Variants in PREX2 observed in about 807,000 individuals in gnomAD.
The protein encoded by PREX2 is phosphatidylinositol-3,4,5-trisphosphate dependent Rac exchange factor 2, also known as phosphatidylinositol 3,4,5-trisphosphate-dependent Rac exchanger 2 protein.
In PREX2, 107 loss-of-function variants were observed where a neutral mutation model predicts 203.2. The ratio of observed to expected loss-of-function variants is 0.53; its 90% CI spans 0.45 to 0.62. The LOEUF is 0.62. Ranked by LOEUF, PREX2 falls within the 20% of genes least tolerant of loss-of-function variation. The probability of loss-of-function intolerance (pLI) is 0.00; values close to 1 mark genes in which losing one functional copy is unlikely to be tolerated. For missense variants in PREX2, 1,777 were observed against 1,955.9 expected (o/e 0.91, Z 1.72); for synonymous variants, 672 against 663.6 (o/e 1.01, Z -0.19).
intron 7 of PREX2, among the ~76,000 whole-genome samples, chr8:68,038,982 C>G (rs1163933404): frequency 6.6e-6 from 1 of 152,146 alleles, no homozygotes; most frequent in East Asian, 1.9e-4. Context: ...ATTGAAATCT[C>G]CATTTCAGGC....
At chr8:68,168,825 G>T (rs1356705856) in intron 35 of PREX2, among the ~76,000 whole-genome samples, 1 of 152,080 alleles carries the variant, frequency 6.6e-6, no homozygotes, top group Non-Finnish European at 1.5e-5. Context: ...CTTAATAACC[G>T]AGTGCCTTTT....
In PREX2 at chr8:68,060,750, C is replaced by A; in HGVS notation, c.1310C>A (p.Ala437Glu). The A allele has an allele frequency of 6.2e-7, 1 of 1,610,522 alleles. No homozygotes were observed. Among genetic ancestry groups the A allele is most frequent in the Non-Finnish European group, 8.5e-7 (1 of 1,178,130 alleles). ...RPEEGVHLGQ[A>E]LLENGIIHHV... ...GAGGAAGGCGTGCACTTGGGACAAG[C>A]ATTATTAGAAAATGGAATCATTCAC... Residue 437 changes from alanine (A) to glutamate (E), a missense_variant, in exon 11 of 40, where the codon GCA becomes GAA. By Grantham distance (107) the Ala-to-Glu change is moderately radical. Coordinates refer to ENST00000288368, the MANE Select transcript of PREX2 (RefSeq NM_024870.4).
At chr8:68,229,183 G>A (rs1344102136) in intron 39 of PREX2, among the ~76,000 whole-genome samples, 1 of 140,256 alleles carries the variant, frequency 7.1e-6, no homozygotes, top group Non-Finnish European at 1.6e-5. Context: ...GCATGAAGTT[G>A]GAAAGTTCTG....
At chr8:68,002,197 G>T (rs1366788231) in intron 1 of PREX2, among the ~76,000 whole-genome samples, 1 of 150,204 alleles carries the variant, frequency 6.7e-6, no homozygotes, top group Non-Finnish European at 1.5e-5. Flanking sequence ...ATCTAGGCTG[G>T]AATGCAGTGG....
intron 6 of PREX2, among the ~76,000 whole-genome samples, chr8:68,030,935 A>G (rs762576818): frequency 4.6e-5 from 7 of 152,172 alleles, no homozygotes; most frequent in Non-Finnish European, 7.3e-5. Context: ...ATGCATCATG[A>G]TGATCCTGTT....
chr8:68,138,445 C>A lies in PREX2; in HGVS notation c.4015C>A (p.Leu1339Met). The change falls in exon 33 of 40, where the codon CTG (leucine) becomes ATG (methionine). Residue 1339 changes from leucine to methionine, a missense_variant. Coordinates refer to ENST00000288368, the MANE Select transcript of PREX2 (RefSeq NM_024870.4). The stretch of plus-strand genomic sequence containing the variant: ...TGAACAAGCCATGTTAGAAGATACA[C>A]TGGTTGCACTATTTGATTTGGAAAA... ...TDEQAMLEDT[L>M]VALFDLEKVS... 1.2e-6 allele frequency: 2 copies of A among 1,602,630 alleles called. No individual in the cohort carries two copies. Among genetic ancestry groups the A allele is most frequent in the Non-Finnish European group, 1.7e-6 (2 of 1,172,984 alleles).
intron 13 of PREX2, among the ~76,000 whole-genome samples, chr8:68,071,027 G>T (rs533097833): frequency 6.6e-6 from 1 of 152,084 alleles, no homozygotes; most frequent in African/African-American, 2.4e-5. Context: ...ATAGCAATTG[G>T]GTACTTAAAT....
At chr8:67,989,038 C>T (rs138897442) in intron 1 of PREX2, among the ~76,000 whole-genome samples, 221 of 152,154 alleles carry the variant, frequency 1.5e-3, no homozygotes, top group Admixed American at 3.7e-3. Context: ...ACATGAGTAC[C>T]TGCTGTCACT....
At chr8:68,205,841 C>T (rs1812613499) in intron 37 of PREX2, among the ~76,000 whole-genome samples, 1 of 152,178 alleles carries the variant, frequency 6.6e-6, no homozygotes, top group South Asian at 2.1e-4. Flanking sequence ...ATTCTCCCTT[C>T]AATTTATTTT....
At chr8:67,967,839 C>A (rs1298835785) in intron 1 of PREX2, among the ~76,000 whole-genome samples, 1 of 152,034 alleles carries the variant, frequency 6.6e-6, no homozygotes, top group Non-Finnish European at 1.5e-5. Flanking sequence ...GGACAGAAAA[C>A]CAAACACCAC....
chr8:68,089,955 TTAAATC>T (rs1352250038), intron 19 of PREX2, among the ~76,000 whole-genome samples: 2 of 152,200 alleles, frequency 1.3e-5, no homozygotes, highest in Non-Finnish European at 2.9e-5. Flanking sequence ...ACTTTCATAT[TTAAATC>T]TATATCAATG....
rs1423043955 is a variant in PREX2, at chr8:68,233,105, A to C, written c.*1727A>C. 1 of 152,236 alleles carries C rather than the reference A, an allele frequency of 6.6e-6. No homozygotes were observed. The highest frequency in any genetic ancestry group is 2.4e-5 in the African/African-American group (1 of 41,458). 9.4% of individuals were successfully genotyped at this position (152,236 alleles called of 1,614,324 possible). A position where few individuals can be genotyped will look rare whatever the true frequency, so the allele number is the denominator to read the frequency against. Reference sequence around the variant, plus strand: ...AGAAGCTCTAGAGACTTTTGTGAGAAGTCCATATACAATGAAAAACAAGGA... The same window carrying C: ...AGAAGCTCTAGAGACTTTTGTGAGACGTCCATATACAATGAAAAACAAGGA... On this transcript the variant is annotated 3_prime_UTR_variant, in exon 40 of 40. Coordinates refer to ENST00000288368, the MANE Select transcript of PREX2 (RefSeq NM_024870.4).
At chr8:68,186,147 A>C (rs1156600740) in intron 35 of PREX2, among the ~76,000 whole-genome samples, 1 of 152,202 alleles carries the variant, frequency 6.6e-6, no homozygotes, top group Non-Finnish European at 1.5e-5. Flanking sequence ...ATTTTTTCTG[A>C]TGAGAAATAC....
intron 35 of PREX2, among the ~76,000 whole-genome samples, chr8:68,188,815 C>T (rs1454621244): frequency 6.6e-6 from 1 of 152,112 alleles, no homozygotes; most frequent in African/African-American, 2.4e-5. Context: ...AGGATTATAA[C>T]AATTCAGTGA....
At chr8:68,159,407 A>C (rs371982538) in intron 35 of PREX2, among the ~76,000 whole-genome samples, 2 of 152,178 alleles carry the variant, frequency 1.3e-5, no homozygotes, top group African/African-American at 4.8e-5. Context: ...AGTCTCTTTT[A>C]AGTTGGCTTT....
chr8:68,037,439 G>A (rs951252417), intron 6 of PREX2, among the ~76,000 whole-genome samples: 1 of 152,218 alleles, frequency 6.6e-6, no homozygotes, highest in South Asian at 2.1e-4. Flanking sequence ...TCCGATACTC[G>A]TGTCCAACTC....
chr8:67,952,361 G>A lies in PREX2; in HGVS notation c.-34G>A. ...GGCGCGCGGGTCAGCGCTCAGCACG[G>A]CGGGCAGCGCCGCGCTGCGCACCGC... On this transcript the variant is annotated 5_prime_UTR_variant, in exon 1 of 40. Coordinates refer to ENST00000288368, the MANE Select transcript of PREX2 (RefSeq NM_024870.4). The A allele has an allele frequency of 4.7e-6, 7 of 1,490,336 alleles. No individual in the cohort carries two copies. Among genetic ancestry groups the A allele is most frequent in the Non-Finnish European group, 6.2e-6 (7 of 1,122,992 alleles). The allele number at this position is 1,490,336 out of a possible 1,614,324, so 92.3% of individuals were successfully genotyped here.
At chr8:68,101,456 C>G (rs572596956) in intron 23 of PREX2, 1 of 518,828 alleles carries the variant, frequency 1.9e-6, no homozygotes, top group Non-Finnish European at 3.8e-6. Context: ...ATTTGTTAAT[C>G]TGCTTTTCAT....
chr8:67,978,862 G>T (rs1241647168), intron 1 of PREX2, among the ~76,000 whole-genome samples: 2 of 152,124 alleles, frequency 1.3e-5, no homozygotes, highest in Non-Finnish European at 2.9e-5. Context: ...ATAGCTTAGA[G>T]TAGTTATTCA....
Sources: allele counts gnomAD v4.1 joint callset (sites outside exome capture counted in the v4.1 genomes callset), GRCh38; gene constraint gnomAD v4.1.1; transcripts MANE v1.5; gene names NCBI Gene and HGNC (gene_info 2026-07-23, HGNC 2026-07-21).